ARHGEF40: variants seen among roughly 807,000 people sequenced by gnomAD.
ARHGEF40 encodes the protein Rho guanine nucleotide exchange factor 40.
Under a neutral mutation model 165.9 loss-of-function variants are expected in ARHGEF40, and 98 were observed. The observed-to-expected ratio is 0.59, with a 90% confidence interval of 0.50 to 0.70. The LOEUF (loss-of-function observed/expected upper bound fraction) is 0.70, where lower values mean the gene tolerates loss of function less well. Among genes scored for constraint, ARHGEF40 ranks in the 30% least tolerant of loss-of-function variants. The probability of loss-of-function intolerance (pLI) is 0.00; values close to 1 mark genes in which losing one functional copy is unlikely to be tolerated. For synonymous variants in ARHGEF40, 792 were observed against 814.3 expected (o/e 0.97, Z 0.47); for missense variants, 1,815 against 1,968.0 (o/e 0.92, Z 1.47).
Position 21,085,690 on chromosome 14 carries a change from C to T in ARHGEF40, c.3962C>T (p.Thr1321Ile). 1.2e-6 allele frequency: 2 copies of T among 1,613,620 alleles called. No individual in the cohort carries two copies. The highest frequency in any genetic ancestry group is 1.7e-6 in the Non-Finnish European group (2 of 1,180,002). The change falls in exon 19 of 24, where the codon ACT becomes ATT. Residue 1321 changes from threonine to isoleucine, a missense_variant and splice_region_variant. Coordinates refer to ENST00000298694, the MANE Select transcript of ARHGEF40 (RefSeq NM_018071.5). Reference sequence around the variant, plus strand: ...CCGCTGCCCTCTGCTCTTCCTCAGACTGCTGATATGGGGCTGACAGAAAAC... The same window carrying T: ...CCGCTGCCCTCTGCTCTTCCTCAGATTGCTGATATGGGGCTGACAGAAAAC... ...EMFVYKQAFK[T>I]ADMGLTENIG...
rs375463249 is a variant in ARHGEF40, at chr14:21,081,816, G to A, written c.2948G>A (p.Arg983His). The A allele has an allele frequency of 5.4e-5, 87 of 1,604,476 alleles. No homozygotes were observed. The highest frequency in any genetic ancestry group is 6.5e-5 in the Non-Finnish European group (77 of 1,176,662). Reference protein sequence around the residue: ...ASSGGAQWGPRSPSPSLSSLL... With the variant: ...ASSGGAQWGPHSPSPSLSSLL... ...AGTGGAGGGGCCCAGTGGGGGCCCC[G>A]CAGCCCCTCGCCCAGCCTCAGCTCC... is the stretch of plus-strand genomic sequence containing the variant. The change falls in exon 14 of 24, where the codon CGC becomes CAC. Residue 983 changes from arginine (R) to histidine (H), a missense_variant. By Grantham distance (29) the Arg-to-His change is conservative. Coordinates refer to ENST00000298694, the MANE Select transcript of ARHGEF40 (RefSeq NM_018071.5).
In ARHGEF40 at chr14:21,070,443, G is replaced by A. The variant is rs1351528779; in HGVS notation, c.3+44G>A. The A allele has an allele frequency of 3.7e-6, 5 of 1,369,110 alleles. No individual in the cohort carries two copies. Among genetic ancestry groups the A allele is most frequent in the South Asian group, 1.8e-5 (1 of 55,678 alleles). 84.8% of individuals were successfully genotyped at this position (1,369,110 alleles called of 1,614,324 possible). ...CCCCCTGGGTCCCCTCGGCCTTCGC[G>A]CAGCCCGCTCCGGGCCCCCAAGTCC... On this transcript the variant is annotated intron_variant, in intron 1 of 23. Coordinates refer to ENST00000298694, the MANE Select transcript of ARHGEF40 (RefSeq NM_018071.5). This position sits in a 1 kb window ranked among gnomAD's most constrained non-coding sequence, Gnocchi z 4.7.
At chr14:21,063,901 A>C in the ARHGEF40 span, among the ~76,000 whole-genome samples, 2 of 152,212 alleles carry the variant, frequency 1.3e-5, no homozygotes, top group South Asian at 2.1e-4. Context: ...TCCCATTTTC[A>C]GGCAACTCTA....
At chr14:21,076,509 G>A in intron 6 of ARHGEF40, 53 bp downstream of exon 6, 1 of 1,613,468 alleles carries the variant, frequency 6.2e-7, no homozygotes, top group Non-Finnish European at 8.5e-7. Flanking sequence ...TTCACCAGTG[G>A]CCAGTCCAGG....
rs758108745 is a variant in ARHGEF40 at position 21,070,441 on chromosome 14, G to A, written c.3+42G>A. On this transcript the variant is annotated intron_variant, in intron 1 of 23. Coordinates refer to ENST00000298694, the MANE Select transcript of ARHGEF40 (RefSeq NM_018071.5). This position sits in a 1 kb window ranked among gnomAD's most constrained non-coding sequence, Gnocchi z 4.7. Reference sequence around the variant, plus strand: ...AGCCCCCTGGGTCCCCTCGGCCTTCGCGCAGCCCGCTCCGGGCCCCCAAGT... The same window carrying A: ...AGCCCCCTGGGTCCCCTCGGCCTTCACGCAGCCCGCTCCGGGCCCCCAAGT... The A allele has an allele frequency of 6.6e-6, 9 of 1,370,496 alleles. No homozygotes were observed. In the East Asian group the frequency reaches 2.4e-4, roughly 36 times the overall value. 84.9% of individuals were successfully genotyped at this position (1,370,496 alleles called of 1,614,324 possible).
chr14:21,072,933 C>T lies in ARHGEF40; in HGVS notation c.4-112C>T. The T allele has an allele frequency of 8.9e-7, 1 of 1,120,606 alleles. No homozygotes were observed. The highest frequency in any genetic ancestry group is 1.3e-6 in the Non-Finnish European group (1 of 776,850). The allele number at this position is 1,120,606 out of a possible 1,614,324, so 69.4% of individuals were successfully genotyped here. ...TTCCTGAGTGCTCACTTTTTGCCCA[C>T]ATTGTACAATCGGGGCTTTGGAGAA... On this transcript the variant is annotated intron_variant, in intron 1 of 23. Transcript: ENST00000298694. This position sits in a 1 kb window ranked among gnomAD's most constrained non-coding sequence, Gnocchi z 4.1.
chr14:21,085,229 G>A (rs1418555282), intron 18 of ARHGEF40, among the ~76,000 whole-genome samples: 1 of 152,172 alleles, frequency 6.6e-6, no homozygotes, highest in Non-Finnish European at 1.5e-5. Context: ...GGTTCCTAGG[G>A]CATGAGGAGA....
At chr14:21,087,928 G>C (rs1156273141) in intron 21 of ARHGEF40, 40 bp from the exon 22 acceptor site, 2 of 1,612,334 alleles carry the variant, frequency 1.2e-6, no homozygotes, top group South Asian at 1.1e-5. Context: ...GTAATCTGGA[G>C]GGATTCTGTA....
Position 21,070,459 on chromosome 14 carries a change from C to A in ARHGEF40, c.3+60C>A. 2.2e-6 allele frequency: 3 copies of A among 1,352,910 alleles called. No individual in the cohort carries two copies. Among genetic ancestry groups the A allele is most frequent in the Non-Finnish European group, 2.8e-6 (3 of 1,058,580 alleles). 83.8% of individuals were successfully genotyped at this position (1,352,910 alleles called of 1,614,324 possible). ...GGCCTTCGCGCAGCCCGCTCCGGGC[C>A]CCCAAGTCCTCAGCCTGGTGCCTCC... On this transcript the variant is annotated intron_variant, in intron 1 of 23. Coordinates refer to ENST00000298694, the MANE Select transcript of ARHGEF40 (RefSeq NM_018071.5). This position sits in a 1 kb window ranked among gnomAD's most constrained non-coding sequence, Gnocchi z 4.7.
intron 5 of ARHGEF40, 142 bp from the exon 6 acceptor site, chr14:21,076,218 C>A: frequency 1.4e-6 from 1 of 720,576 alleles, no homozygotes; most frequent in Non-Finnish European, 2.3e-6. Context: ...GGCCCTTTGC[C>A]CATTTCTTCC....
In ARHGEF40 at chr14:21,082,470, C is replaced by T. The variant is rs200992752; in HGVS notation, c.3478C>T (p.Leu1160Phe). ...CCCCCTACGCATTGGGGCCTGCTTC[C>T]TTCGCCACGTGAGTGATCCCCTCAA... is the stretch of plus-strand genomic sequence containing the variant. ...THPLRIGACF[L>F]RHGDQFSLYA... The change falls in exon 15 of 24, where the codon CTT becomes TTT. Residue 1160 changes from leucine (L) to phenylalanine (F), a missense_variant. Physicochemically the swap from Leu to Phe is conservative, Grantham distance 22 (BLOSUM62 0). Coordinates refer to ENST00000298694, the MANE Select transcript of ARHGEF40 (RefSeq NM_018071.5). 2.5e-6 allele frequency: 4 copies of T among 1,584,878 alleles called. No homozygotes were observed.
At chr14:21,088,984 C>T in intron 23 of ARHGEF40, 30 bp from the exon 24 acceptor site, 1 of 1,076,808 alleles carries the variant, frequency 9.3e-7, no homozygotes. Context: ...CCTCTCCCAA[C>T]TCATCTCCCT....
chr14:21,076,611 G>A lies in ARHGEF40; in HGVS notation c.1885G>A (p.Asp629Asn), dbSNP rs1231303777. ...LVQRLLILIH[D>N]DLPTELCGFQ... ...TCAGCGGCTGCTGATTCTCATTCAT[G>A]ATGACCTTCCAACTGAACTCTGTGG... Residue 629 changes from aspartate to asparagine, a missense_variant, in exon 7 of 24, where the codon GAT becomes AAT. Asp to Asn is a conservative substitution (Grantham distance 23). Transcript: ENST00000298694. The A allele has an allele frequency of 6.2e-7, 1 of 1,614,230 alleles. No individual in the cohort carries two copies. The highest frequency in any genetic ancestry group is 8.5e-7 in the Non-Finnish European group (1 of 1,180,030).
rs772975629 is a variant in ARHGEF40 at position 21,076,350 on chromosome 14, G to A, written c.1740-10G>A. 2 of 1,612,102 alleles carry A rather than the reference G, an allele frequency of 1.2e-6. No homozygotes were observed. Among genetic ancestry groups the A allele is most frequent in the African/African-American group, 1.3e-5 (1 of 74,894 alleles). ...CACAGCAGCCTCCTTGGCTCTTCCT[G>A]CTCCCGCAGGCCTGATCTACAGACA... On this transcript the variant is annotated splice_polypyrimidine_tract_variant and intron_variant, in intron 5 of 23. Transcript: ENST00000298694.
chr14:21,088,762 A>G (rs1594586961), intron 22 of ARHGEF40, 68 bp from the exon 23 acceptor site: 1 of 1,496,542 alleles, frequency 6.7e-7, no homozygotes, highest in Non-Finnish European at 9.2e-7. Context: ...TGTGGGGAGG[A>G]ATGGAGGAAA....
chr14:21,080,879 C>G lies in ARHGEF40; in HGVS notation c.2503C>G (p.Leu835Val). The G allele has an allele frequency of 6.2e-7, 1 of 1,613,694 alleles. No individual in the cohort carries two copies. Among genetic ancestry groups the G allele is most frequent in the Middle Eastern group, 1.7e-4 (1 of 6,054 alleles). Residue 835 changes from leucine (L) to valine (V), a missense_variant, in exon 13 of 24, where the codon CTG becomes GTG. By Grantham distance (32) the Leu-to-Val change is conservative. Transcript: ENST00000298694. ...CGCAGCCTCCCTTCTCCAGGAGCGCCTGGCCCAGGCACGGGAGGCCCTGGC... is the reference window on the plus strand; with the variant it reads ...CGCAGCCTCCCTTCTCCAGGAGCGCGTGGCCCAGGCACGGGAGGCCCTGGC... ...RAFSAEVQER[L>V]AQAREALALE...
upstream of ARHGEF40, among the ~76,000 whole-genome samples, chr14:21,066,035 G>A (rs899393178): frequency 6.6e-6 from 1 of 152,150 alleles, no homozygotes; most frequent in African/African-American, 2.4e-5. Context: ...GGAGGTACAG[G>A]TTGCAGTGAG....
chr14:21,080,199 GACACAC>G (rs71112543), intron 11 of ARHGEF40, among the ~76,000 whole-genome samples: 17,431 of 135,140 alleles, frequency 0.13, 1,273 homozygotes, highest in African/African-American at 0.2. Flanking sequence ...ATTAAAGCCG[GACACAC>G]ACACACACAC....
chr14:21,080,140 CA>C lies in ARHGEF40; in HGVS notation c.2374-517del, dbSNP rs1310436399. On this transcript the variant is annotated intron_variant, in intron 11 of 23. Coordinates refer to ENST00000298694, the MANE Select transcript of ARHGEF40 (RefSeq NM_018071.5). Reference sequence around the variant, plus strand: ...GAAAATATTACCATCCCGTTCTGGTCAAACATCTCAGAACCAGCATGAGAGT... The same window carrying C: ...GAAAATATTACCATCCCGTTCTGGTCAACATCTCAGAACCAGCATGAGAGT... 2.3e-4 allele frequency among the ~76,000 whole-genome samples: 35 copies of C among 151,282 alleles called. 1 individual carries two copies. Among genetic ancestry groups the C allele is most frequent in the African/African-American group, 8.5e-4 (35 of 41,212 alleles).
Sources: allele counts gnomAD v4.1 joint callset (sites outside exome capture counted in the v4.1 genomes callset), GRCh38; gene constraint gnomAD v4.1.1; non-coding constraint Gnocchi (gnomAD v3.1); transcripts MANE v1.5; gene names NCBI Gene and HGNC (gene_info 2026-07-23, HGNC 2026-07-21).